CAMK1D: variants seen among roughly 807,000 people sequenced by gnomAD.
The protein encoded by CAMK1D is calcium/calmodulin-dependent protein kinase type 1D.
In CAMK1D, 9 loss-of-function variants were observed where a neutral mutation model predicts 47.7. That is an observed-to-expected ratio of 0.19 (90% CI 0.11 to 0.33). CAMK1D has a LOEUF of 0.33. Ranked by LOEUF, CAMK1D falls within the 10% of genes least tolerant of loss-of-function variation. The probability of loss-of-function intolerance (pLI) is 1.00; values close to 1 mark genes in which losing one functional copy is unlikely to be tolerated. For synonymous variants in CAMK1D, 184 were observed against 184.9 expected, an observed-to-expected ratio of 0.99 and a Z score of 0.04; for missense variants, 291 against 488.7, an observed-to-expected ratio of 0.60 and a Z score of 3.81.
At chr10:12,694,521 TATG>T (rs2130692781) in intron 3 of CAMK1D, among the ~76,000 whole-genome samples, 1 of 129,324 alleles carries the variant, frequency 7.7e-6, no homozygotes, top group East Asian at 2.2e-4. Flanking sequence ...ATAAAATATA[TATG>T]ATATATATTA....
At chr10:12,396,182 T>G (rs1838946217) in intron 1 of CAMK1D, among the ~76,000 whole-genome samples, 1 of 152,130 alleles carries the variant, frequency 6.6e-6, no homozygotes, top group African/African-American at 2.4e-5. Context: ...TCAAAAGAGT[T>G]GTTTTTTAAG....
intron 1 of CAMK1D, among the ~76,000 whole-genome samples, chr10:12,524,647 C>T (rs1159972153): frequency 6.6e-6 from 1 of 151,880 alleles, no homozygotes; most frequent in Non-Finnish European, 1.5e-5. Context: ...GCAGAGCTTG[C>T]AGTGAGCCAA....
intron 4 of CAMK1D, among the ~76,000 whole-genome samples, chr10:12,765,731 A>G (rs552432926): frequency 6.6e-6 from 1 of 152,286 alleles, no homozygotes; most frequent in East Asian, 1.9e-4. Flanking sequence ...GGTGAAAGAA[A>G]GAGAAGAGCT....
chr10:12,596,340 C>T (rs1024034620), intron 2 of CAMK1D, among the ~76,000 whole-genome samples: 3 of 152,070 alleles, frequency 2.0e-5, no homozygotes, highest in Non-Finnish European at 1.5e-5. Context: ...CAAAGTAAAG[C>T]ATTTATTTGA....
At chr10:12,486,439 T>G (rs1363950429) in intron 1 of CAMK1D, among the ~76,000 whole-genome samples, 4 of 152,162 alleles carry the variant, frequency 2.6e-5, no homozygotes, top group African/African-American at 9.7e-5. Context: ...ACTACAGGCA[T>G]GAGCCACTGC....
chr10:12,560,866 C>G (rs1167289987), intron 2 of CAMK1D, among the ~76,000 whole-genome samples: 10 of 151,932 alleles, frequency 6.6e-5, no homozygotes, highest in African/African-American at 2.4e-4. Context: ...ATTCTAGACA[C>G]TTGGATACCT....
intron 2 of CAMK1D, among the ~76,000 whole-genome samples, chr10:12,651,135 T>G (rs938417406): frequency 6.6e-6 from 1 of 152,158 alleles, no homozygotes; most frequent in Non-Finnish European, 1.5e-5. Flanking sequence ...TTCAGCGTCC[T>G]CCCCCTGAGA....
chr10:12,437,719 T>G (rs1832677397), intron 1 of CAMK1D, among the ~76,000 whole-genome samples: 1 of 152,152 alleles, frequency 6.6e-6, no homozygotes, highest in South Asian at 2.1e-4. Context: ...TGTTGCATAT[T>G]CTATGGATTT....
chr10:12,613,093 G>A (rs1838679601), intron 2 of CAMK1D, among the ~76,000 whole-genome samples: 1 of 152,258 alleles, frequency 6.6e-6, no homozygotes, highest in East Asian at 1.9e-4. Flanking sequence ...CCCTACAGTT[G>A]AGGGCTAATT....
chr10:12,525,331 C>G (rs572518809), intron 1 of CAMK1D, among the ~76,000 whole-genome samples: 29 of 152,178 alleles, frequency 1.9e-4, no homozygotes, highest in African/African-American at 6.3e-4. Flanking sequence ...GTACCAATCT[C>G]TTTCTCTTTC....
chr10:12,366,895 G>C (rs938082750), intron 1 of CAMK1D, among the ~76,000 whole-genome samples: 4 of 152,150 alleles, frequency 2.6e-5, no homozygotes, highest in African/African-American at 9.7e-5. Context: ...CTATAAGATA[G>C]AGTCTTCGTG....
At chr10:12,382,197 T>G (rs1335024500) in intron 1 of CAMK1D, among the ~76,000 whole-genome samples, 1 of 152,190 alleles carries the variant, frequency 6.6e-6, no homozygotes, top group Non-Finnish European at 1.5e-5. Context: ...GGAGAACAGT[T>G]GAACAACAGT....
At chr10:12,791,355 G>C (rs556237817) in intron 6 of CAMK1D, 122 bp downstream of exon 6, 1 of 776,196 alleles carries the variant, frequency 1.3e-6, no homozygotes, top group African/African-American at 1.7e-5. Context: ...TCAGGGCCAT[G>C]TTTAAGGGTA....
intron 6 of CAMK1D, among the ~76,000 whole-genome samples, chr10:12,791,456 C>G (rs11257990): frequency 0.16 from 24,767 of 152,112 alleles, 3,058 homozygotes; most frequent in East Asian, 0.49. Flanking sequence ...AACTGAAACT[C>G]TACCCCTTAC....
intron 1 of CAMK1D, among the ~76,000 whole-genome samples, chr10:12,394,399 C>T (rs905123952): frequency 5.9e-5 from 9 of 152,176 alleles, no homozygotes; most frequent in Admixed American, 5.9e-4. Context: ...TCCAGTGCCT[C>T]TCCCCTTTCT....
At chr10:12,694,218 A>AAATATATATTATGTATAATATAT (rs1564498473) in intron 3 of CAMK1D, among the ~76,000 whole-genome samples, 268 of 3,426 alleles carry the variant, frequency 0.078, 46 homozygotes, top group African/African-American at 0.15. Flanking sequence ...GTATAATATA[A>AAATATATATTATGTATAATATAT]AATATATATT....
intron 3 of CAMK1D, among the ~76,000 whole-genome samples, chr10:12,752,898 C>T (rs533502315): frequency 6.6e-6 from 1 of 152,318 alleles, no homozygotes; most frequent in South Asian, 2.1e-4. Flanking sequence ...GTCTCTTCCA[C>T]TTGTCATGTA....
chr10:12,716,798 G>A (rs937481547), intron 3 of CAMK1D, among the ~76,000 whole-genome samples: 19 of 152,100 alleles, frequency 1.2e-4, no homozygotes, highest in African/African-American at 3.6e-4. Context: ...CATGCTTAGC[G>A]TGGTGTTCAC....
chr10:12,378,522 A>T (rs1357713900), intron 1 of CAMK1D, among the ~76,000 whole-genome samples: 1 of 146,972 alleles, frequency 6.8e-6, no homozygotes, highest in Non-Finnish European at 1.5e-5. Flanking sequence ...GGTACGAACC[A>T]CTGTGACTGG....
Sources: allele counts gnomAD v4.1 joint callset (sites outside exome capture counted in the v4.1 genomes callset), GRCh38; gene constraint gnomAD v4.1.1; transcripts MANE v1.5; gene names NCBI Gene and HGNC (gene_info 2026-07-23, HGNC 2026-07-21).